The following TRPS1 variants were observed in gnomAD, a reference collection of about 807,000 sequenced individuals.
TRPS1 encodes zinc finger transcription factor Trps1.
In TRPS1, 6 loss-of-function variants were observed where a neutral mutation model predicts 101.2. That is an observed-to-expected ratio of 0.06 (90% CI 0.03 to 0.12). The LOEUF (loss-of-function observed/expected upper bound fraction) is 0.12, where lower values mean the gene tolerates loss of function less well. TRPS1 is among the 10% of genes least tolerant of loss of function. The probability of loss-of-function intolerance (pLI) is 1.00; values close to 1 mark genes in which losing one functional copy is unlikely to be tolerated. For synonymous variants in TRPS1, 578 were observed against 589.8 expected (o/e 0.98, Z 0.29); for missense variants, 1,363 against 1,567.0 (o/e 0.87, Z 2.20).
rs1248315149 is a variant in TRPS1 at position 115,414,323 on chromosome 8, C to T, written c.3585G>A (p.Lys1195=). ...RPGPTANGAS[K]EKTKAPPNVK... is the part of the protein sequence containing the mutation. ...CATTTGGTGGTGCCTTCGTTTTCTCCTTGGAGGCACCGTTTGCAGTTGGCC... is the reference window on the plus strand; with the variant it reads ...CATTTGGTGGTGCCTTCGTTTTCTCTTTGGAGGCACCGTTTGCAGTTGGCC... The change falls in exon 7 of 7, where the codon AAG becomes AAA. Residue 1195 remains lysine, a synonymous_variant. Coordinates refer to ENST00000395715, the MANE Select transcript of TRPS1 (RefSeq NM_014112.5). The surrounding 1 kb of genome is among the most constrained non-coding windows in gnomAD (Gnocchi z 4.8). 1 of 1,613,918 alleles carries T rather than the reference C, an allele frequency of 6.2e-7. No homozygotes were observed. The highest frequency in any genetic ancestry group is 1.1e-5 in the South Asian group (1 of 91,080).
intron 1 of TRPS1, among the ~76,000 whole-genome samples, chr8:115,664,076 T>C (rs949793833): frequency 1.3e-5 from 2 of 152,112 alleles, no homozygotes; most frequent in Non-Finnish European, 2.9e-5. Flanking sequence ...GAATATTTTA[T>C]ACAAACAAAT....
chr8:115,598,978 G>T (rs983426664), intron 4 of TRPS1, among the ~76,000 whole-genome samples: 1 of 152,078 alleles, frequency 6.6e-6, no homozygotes, highest in Non-Finnish European at 1.5e-5. Flanking sequence ...TGTATGCTAC[G>T]CTTCTTTGTA....
chr8:115,484,346 G>T (rs1001661333), intron 5 of TRPS1, among the ~76,000 whole-genome samples: 1 of 151,900 alleles, frequency 6.6e-6, no homozygotes, highest in Non-Finnish European at 1.5e-5. Context: ...TAATATTAAA[G>T]ATTCAAAAAA....
rs1369527308 is a variant in TRPS1, at chr8:115,412,030, A to G, written c.*1993T>C. The G allele has an allele frequency of 9.1e-5, 4 of 43,778 alleles. No individual in the cohort carries two copies. Among genetic ancestry groups the G allele is most frequent in the Non-Finnish European group, 1.7e-4 (4 of 23,554 alleles). 2.7% of individuals were successfully genotyped at this position (43,778 alleles called of 1,614,324 possible). ...AAATGGAGTGCAAATGCGACTACAGAATGCAAAAAAAAATCAGCGTTGCAG... is the reference window on the plus strand; with the variant it reads ...AAATGGAGTGCAAATGCGACTACAGGATGCAAAAAAAAATCAGCGTTGCAG... On this transcript the variant is annotated 3_prime_UTR_variant, in exon 7 of 7. Transcript: ENST00000395715.
At chr8:115,596,876 A>G (rs1409877622) in intron 4 of TRPS1, among the ~76,000 whole-genome samples, 1 of 151,924 alleles carries the variant, frequency 6.6e-6, no homozygotes, top group East Asian at 1.9e-4. Flanking sequence ...GAATTTATAT[A>G]AAACACTATC....
At chr8:115,617,107 C>T (rs933106029) in intron 3 of TRPS1, among the ~76,000 whole-genome samples, 1 of 152,158 alleles carries the variant, frequency 6.6e-6, no homozygotes, top group African/African-American at 2.4e-5. Context: ...CCTTTAGATG[C>T]GTTTCAAAAT....
chr8:115,596,352 T>C (rs968422805), intron 4 of TRPS1, among the ~76,000 whole-genome samples: 1 of 151,906 alleles, frequency 6.6e-6, no homozygotes. Context: ...CATTCATATA[T>C]TTACTTGACA....
chr8:115,644,077 G>A (rs773436604), intron 1 of TRPS1, among the ~76,000 whole-genome samples: 1 of 152,184 alleles, frequency 6.6e-6, no homozygotes, highest in Non-Finnish European at 1.5e-5. Flanking sequence ...CTATCCTTCA[G>A]GCTTTGCTGT....
intron 5 of TRPS1, among the ~76,000 whole-genome samples, chr8:115,493,645 C>T (rs1033979499): frequency 3.3e-5 from 5 of 152,038 alleles, no homozygotes; most frequent in African/African-American, 4.8e-5. Flanking sequence ...CACCACGCCC[C>T]GCCTATAAAG....
At chr8:115,543,810 T>C (rs1446686750) in intron 5 of TRPS1, among the ~76,000 whole-genome samples, 1 of 151,838 alleles carries the variant, frequency 6.6e-6, no homozygotes, top group Non-Finnish European at 1.5e-5. Flanking sequence ...ATTACCTATC[T>C]TATACAATTC....
At chr8:115,479,572 T>C (rs1814699768) in intron 5 of TRPS1, among the ~76,000 whole-genome samples, 1 of 152,190 alleles carries the variant, frequency 6.6e-6, no homozygotes, top group East Asian at 1.9e-4. Flanking sequence ...AAGATTTGTC[T>C]GATAATTTCT....
Position 115,496,753 on chromosome 8 carries a change from A to G in TRPS1, c.2701-78301T>C, listed in dbSNP as rs1815158577. Reference sequence around the variant, plus strand: ...ACAACAAAAAACTCACTGAATTCTGACTTTTTCAAAATAACTAGTAGTCTA... The same window carrying G: ...ACAACAAAAAACTCACTGAATTCTGGCTTTTTCAAAATAACTAGTAGTCTA... On this transcript the variant is annotated intron_variant, in intron 5 of 6. Coordinates refer to ENST00000395715, the MANE Select transcript of TRPS1 (RefSeq NM_014112.5). Among the ~76,000 whole-genome samples the G allele has an allele frequency of 2.0e-5, 3 of 152,194 alleles. No individual in the cohort carries two copies. In the South Asian group the frequency reaches 6.2e-4, roughly 31 times the overall value.
intron 5 of TRPS1, among the ~76,000 whole-genome samples, chr8:115,581,796 T>A (rs952602613): frequency 6.6e-6 from 1 of 152,166 alleles, no homozygotes; most frequent in Non-Finnish European, 1.5e-5. Context: ...CATAATGAAT[T>A]TGATACATGG....
chr8:115,425,717 C>G (rs1244015812), intron 5 of TRPS1, among the ~76,000 whole-genome samples: 2 of 152,188 alleles, frequency 1.3e-5, no homozygotes, highest in African/African-American at 2.4e-5. Context: ...CATACAGATT[C>G]TTTACATCTC....
At position 115,623,647 on chromosome 8, in the gene TRPS1, G is replaced by C. The variant is rs779262398; in HGVS notation, c.-10C>G. On this transcript the variant is annotated 5_prime_UTR_variant, in exon 2 of 7. Transcript: ENST00000395715. ...TGACTTCATAAGGCATGTGGCTTTAGAGTGCTTTTTACAATTATTAATTCT... is the reference window on the plus strand; with the variant it reads ...TGACTTCATAAGGCATGTGGCTTTACAGTGCTTTTTACAATTATTAATTCT... 1 of 1,608,768 alleles carries C rather than the reference G, an allele frequency of 6.2e-7. No individual in the cohort carries two copies. Among genetic ancestry groups the C allele is most frequent in the Non-Finnish European group, 8.5e-7 (1 of 1,177,406 alleles).
At position 115,587,405 on chromosome 8, in the gene TRPS1, C is replaced by T; in HGVS notation, c.2296G>A (p.Asp766Asn). Residue 766 changes from aspartate (D) to asparagine (N), a missense_variant, in exon 5 of 7, where the codon GAC becomes AAC. Asp to Asn is a conservative substitution (Grantham distance 23). Transcript: ENST00000395715. ...DFRVYNLLTP[D>N]SKMGEPVSES... is the part of the protein sequence containing the mutation. ...GAAACTGGCTCTCCCATTTTAGAGT[C>T]TGGAGTTAGCAGATTGTAGACCCTG... 2 of 1,614,216 alleles carry T rather than the reference C, an allele frequency of 1.2e-6. No individual in the cohort carries two copies. The highest frequency in any genetic ancestry group is 8.5e-7 in the Non-Finnish European group (1 of 1,180,016).
intron 5 of TRPS1, among the ~76,000 whole-genome samples, chr8:115,466,952 C>T (rs74739913): frequency 0.014 from 2,078 of 151,884 alleles, 36 homozygotes; most frequent in African/African-American, 0.048. Flanking sequence ...GGAAATTATG[C>T]GCTACTTTAA....
chr8:115,535,202 G>T (rs1816261211), intron 5 of TRPS1, among the ~76,000 whole-genome samples: 1 of 142,662 alleles, frequency 7.0e-6, no homozygotes, highest in Non-Finnish European at 1.5e-5. Flanking sequence ...CATATATATA[G>T]CATATGTATA....
At chr8:115,478,783 G>A (rs1297851591) in intron 5 of TRPS1, among the ~76,000 whole-genome samples, 2 of 150,540 alleles carry the variant, frequency 1.3e-5, no homozygotes, top group African/African-American at 2.4e-5. Flanking sequence ...CAGCTTGGGC[G>A]AGAGTGAGAC....
Sources: gnomAD v4.1 joint callset for allele counts (sites outside exome capture counted in the v4.1 genomes callset) on GRCh38, gnomAD v4.1.1 for gene constraint, Gnocchi (gnomAD v3.1) non-coding constraint, MANE v1.5 for transcripts, NCBI Gene and HGNC (gene_info 2026-07-23, HGNC 2026-07-21) for gene names.